Variants in CDH13 observed in about 807,000 individuals in gnomAD.
The protein encoded by CDH13 is cadherin-13.
Under a neutral mutation model 63.8 loss-of-function variants are expected in CDH13, and 24 were observed. That is an observed-to-expected ratio of 0.38 (90% CI 0.27 to 0.53). The LOEUF is 0.53. CDH13 is among the 20% of genes least tolerant of loss of function. The pLI, the probability that CDH13 is intolerant of heterozygous loss-of-function variation, is 0.85. For missense variants in CDH13, 1,049 were observed against 903.1 expected (o/e 1.16, Z -2.07); for synonymous variants, 503 against 355.3 (o/e 1.42, Z -4.67).
chr16:82,662,365 G>A (rs1390052791), intron 1 of CDH13, among the ~76,000 whole-genome samples: 1 of 152,176 alleles, frequency 6.6e-6, no homozygotes, highest in Non-Finnish European at 1.5e-5. Context: ...CTTCACATGT[G>A]TATTGTCTGA....
chr16:83,784,117 A>C, intron 13 of CDH13, among the ~76,000 whole-genome samples: 1 of 152,240 alleles, frequency 6.6e-6, no homozygotes, highest in South Asian at 2.1e-4. Context: ...CGTTATTCAT[A>C]TATAACTGTT....
At chr16:83,251,866 CT>C (rs1324472235) in intron 5 of CDH13, among the ~76,000 whole-genome samples, 9 of 151,912 alleles carry the variant, frequency 5.9e-5, no homozygotes, top group African/African-American at 2.2e-4. Flanking sequence ...AGGGAACATT[CT>C]TCTTCACACA....
intron 3 of CDH13, among the ~76,000 whole-genome samples, chr16:83,048,485 C>G (rs959152297): frequency 1.3e-5 from 2 of 152,142 alleles, no homozygotes; most frequent in South Asian, 2.1e-4. Context: ...TAATTTATTG[C>G]TCTTCACCTT....
chr16:82,903,694 G>C (rs1276268861), intron 2 of CDH13, among the ~76,000 whole-genome samples: 1 of 152,122 alleles, frequency 6.6e-6, no homozygotes, highest in East Asian at 1.9e-4. Context: ...TTTCCTTAGG[G>C]GGCTGTGCAT....
At chr16:82,792,826 C>T (rs9926673) in intron 1 of CDH13, among the ~76,000 whole-genome samples, 332 of 152,338 alleles carry the variant, frequency 2.2e-3, no homozygotes, top group African/African-American at 7.7e-3. Flanking sequence ...ATCCAGGCTG[C>T]GTGACATCAT....
intron 1 of CDH13, among the ~76,000 whole-genome samples, chr16:82,780,258 C>A (rs899614394): frequency 6.6e-6 from 1 of 152,156 alleles, no homozygotes; most frequent in Non-Finnish European, 1.5e-5. Context: ...AGCTCTGTCT[C>A]CACTCTCCCT....
rs578193990 is a variant in CDH13 at position 82,688,202 on chromosome 16, T to G, written c.45+61065T>G. On this transcript the variant is annotated intron_variant, in intron 1 of 13. Transcript: ENST00000567109. ...GCCAAGAGATCTCGTCCAACACTGG[T>G]ATAGCCTGGCAGCAACTGCTACTTC... Among the ~76,000 whole-genome samples, 12 of 152,284 alleles carry G rather than the reference T, an allele frequency of 7.9e-5. No homozygotes were observed. In the South Asian group the frequency reaches 2.5e-3, roughly 32 times the overall value.
chr16:83,148,408 A>G (rs1022711006), intron 4 of CDH13, among the ~76,000 whole-genome samples: 4 of 152,210 alleles, frequency 2.6e-5, no homozygotes, highest in African/African-American at 4.8e-5. Flanking sequence ...TGCTGGAAGA[A>G]CTAAGACGGC....
At chr16:83,312,633 G>A (rs1296927283) in intron 5 of CDH13, among the ~76,000 whole-genome samples, 1 of 152,172 alleles carries the variant, frequency 6.6e-6, no homozygotes, top group Admixed American at 6.5e-5. Context: ...GGGAAACACA[G>A]AGAGGTAATG....
chr16:82,726,386 T>C (rs142551196), intron 1 of CDH13, among the ~76,000 whole-genome samples: 2 of 152,260 alleles, frequency 1.3e-5, no homozygotes, highest in East Asian at 3.8e-4. Context: ...AACTTTATTG[T>C]GGACATTGCA....
At chr16:83,662,233 T>C (rs1456237450) in intron 8 of CDH13, among the ~76,000 whole-genome samples, 6 of 152,198 alleles carry the variant, frequency 3.9e-5, no homozygotes. Flanking sequence ...TGTTTAGTAA[T>C]GGTGGATGGC....
At chr16:82,814,679 A>G (rs569227766) in intron 1 of CDH13, among the ~76,000 whole-genome samples, 1 of 152,300 alleles carries the variant, frequency 6.6e-6, no homozygotes, top group Non-Finnish European at 1.5e-5. Context: ...ATGCGTAAAT[A>G]TAAGTAAAGT....
At chr16:82,728,258 T>C (rs2033207009) in intron 1 of CDH13, among the ~76,000 whole-genome samples, 1 of 152,146 alleles carries the variant, frequency 6.6e-6, no homozygotes, top group Non-Finnish European at 1.5e-5. Flanking sequence ...ACCCCATTTC[T>C]TGTAAAAATA....
chr16:82,953,336 C>T (rs562980516), intron 2 of CDH13: 20 of 152,190 alleles, frequency 1.3e-4, no homozygotes, highest in African/African-American at 4.8e-4. Context: ...AACAGATACA[C>T]TTCTTAATGA....
At chr16:83,401,365 ATAAAAAAT>A (rs372492614) in intron 6 of CDH13, among the ~76,000 whole-genome samples, 1 of 151,410 alleles carries the variant, frequency 6.6e-6, no homozygotes, top group East Asian at 1.9e-4. Context: ...AAAAGATTAT[ATAAAAAAT>A]TAAAAAATTA....
At chr16:83,006,356 A>G (rs182126998) in intron 2 of CDH13, among the ~76,000 whole-genome samples, 2 of 152,332 alleles carry the variant, frequency 1.3e-5, no homozygotes, top group East Asian at 1.9e-4. Context: ...GTGCATCTGA[A>G]AAAACGTTCA....
intron 2 of CDH13, among the ~76,000 whole-genome samples, chr16:82,955,795 G>C (rs1905996641): frequency 6.6e-6 from 1 of 152,132 alleles, no homozygotes; most frequent in African/African-American, 2.4e-5. Context: ...CTGAATCTAA[G>C]GCAAGCTCTG....
At chr16:83,463,703 G>C (rs1417661212) in intron 6 of CDH13, among the ~76,000 whole-genome samples, 1 of 152,178 alleles carries the variant, frequency 6.6e-6, no homozygotes, top group African/African-American at 2.4e-5. Context: ...CTTGGGAGGG[G>C]CTGAGGTGGG....
At chr16:82,785,284 G>C (rs1384197842) in intron 1 of CDH13, among the ~76,000 whole-genome samples, 1 of 152,132 alleles carries the variant, frequency 6.6e-6, no homozygotes, top group Non-Finnish European at 1.5e-5. Context: ...TGCAGGCTTG[G>C]CACTTGGCTC....
Sources: allele counts gnomAD v4.1 joint callset (sites outside exome capture counted in the v4.1 genomes callset), GRCh38; gene constraint gnomAD v4.1.1; transcripts MANE v1.5; gene names NCBI Gene and HGNC (gene_info 2026-07-23, HGNC 2026-07-21).